PSD3: variants seen among roughly 807,000 people sequenced by gnomAD.
PSD3 encodes the protein PH and SEC7 domain-containing protein 3.
A neutral mutation model predicts 105.5 loss-of-function variants in PSD3; 49 were observed. The ratio of observed to expected loss-of-function variants is 0.46; its 90% CI spans 0.37 to 0.59. The LOEUF (loss-of-function observed/expected upper bound fraction) is 0.59, where lower values mean the gene tolerates loss of function less well. Among genes scored for constraint, PSD3 ranks in the 20% least tolerant of loss-of-function variants. PSD3 has a pLI of 0.00. For synonymous variants in PSD3, 557 were observed against 457.8 expected, an observed-to-expected ratio of 1.22 and a Z score of -2.77; for missense variants, 1,561 against 1,263.8, an observed-to-expected ratio of 1.24 and a Z score of -3.57.
At chr8:18,718,801 T>C (rs1265877828) in intron 9 of PSD3, among the ~76,000 whole-genome samples, 1 of 151,950 alleles carries the variant, frequency 6.6e-6, no homozygotes, top group Non-Finnish European at 1.5e-5. Flanking sequence ...AATAATGAGT[T>C]TGAAAGTCGT....
At chr8:18,942,146 G>C (rs1822586520) in intron 1 of PSD3, among the ~76,000 whole-genome samples, 1 of 152,150 alleles carries the variant, frequency 6.6e-6, no homozygotes, top group Non-Finnish European at 1.5e-5. Flanking sequence ...GTTTGAGAAA[G>C]GTGGCATGCT....
rs113496423 is a variant in PSD3, at chr8:18,896,159, T to A, written c.131-23426A>T. ...TGAATAACAGAATTTCATTCTTTGT[T>A]ACTGCAAAAGAGTATTCTATTGTGT... is the stretch of plus-strand genomic sequence containing the variant. On this transcript the variant is annotated intron_variant, in intron 2 of 15. Coordinates refer to ENST00000327040, the MANE Select transcript of PSD3 (RefSeq NM_015310.4). Among the ~76,000 whole-genome samples, 1,060 of 152,392 alleles carry A rather than the reference T, an allele frequency of 7.0e-3. 13 individuals are homozygous for A. The highest frequency in any genetic ancestry group is 0.024 in the African/African-American group (1,018 of 41,596).
In PSD3 at chr8:18,528,457, C is replaced by T. The variant is rs1799513862; in HGVS notation, c.*7286G>A. ...TGCCACGCTCAGTGACTCAGTCACT[C>T]TCGGAGTTGATACCTTGCCTCAGCA... On this transcript the variant is annotated 3_prime_UTR_variant, in exon 16 of 16. Transcript: ENST00000327040. 6.6e-6 allele frequency: 1 copy of T among 152,252 alleles called. No individual in the cohort carries two copies. The highest frequency in any genetic ancestry group is 2.4e-5 in the African/African-American group (1 of 41,464). 9.4% of individuals were successfully genotyped at this position (152,252 alleles called of 1,614,324 possible).
At chr8:18,603,338 C>T (rs1001282744) in intron 11 of PSD3, among the ~76,000 whole-genome samples, 8 of 152,008 alleles carry the variant, frequency 5.3e-5, no homozygotes, top group African/African-American at 1.9e-4. Context: ...TAACATGCTA[C>T]TGTCAGTTTA....
intron 4 of PSD3, among the ~76,000 whole-genome samples, chr8:18,866,279 C>G (rs80268341): frequency 6.6e-6 from 1 of 152,198 alleles, no homozygotes; most frequent in African/African-American, 2.4e-5. Flanking sequence ...TTCAGGAATG[C>G]CTCCTCGCCA....
At chr8:18,997,805 G>A (rs192644978) in intron 1 of PSD3, among the ~76,000 whole-genome samples, 124 of 151,674 alleles carry the variant, frequency 8.2e-4, no homozygotes, top group Non-Finnish European at 1.2e-3. Flanking sequence ...TTCCTCATGC[G>A]TCACCTCAAC....
intron 1 of PSD3, among the ~76,000 whole-genome samples, chr8:18,969,028 C>G (rs1824466039): frequency 6.6e-6 from 1 of 151,964 alleles, no homozygotes; most frequent in Non-Finnish European, 1.5e-5. Context: ...TATAACATCA[C>G]AGAAATAAGT....
chr8:18,657,938 C>A (rs1012132802), intron 9 of PSD3, among the ~76,000 whole-genome samples: 1 of 152,208 alleles, frequency 6.6e-6, no homozygotes, highest in Non-Finnish European at 1.5e-5. Flanking sequence ...CTAATACATT[C>A]ATTTCTGTTC....
intron 9 of PSD3, among the ~76,000 whole-genome samples, chr8:18,745,396 C>T (rs1281070636): frequency 6.6e-6 from 1 of 152,170 alleles, no homozygotes; most frequent in Non-Finnish European, 1.5e-5. Context: ...TATTCATTTT[C>T]TTCTCTGAGT....
intron 2 of PSD3, among the ~76,000 whole-genome samples, chr8:18,931,337 A>C (rs553736532): frequency 3.0e-4 from 46 of 152,282 alleles, no homozygotes; most frequent in Middle Eastern, 3.4e-3. Context: ...TTAAAAAAAA[A>C]ACAGGTAATT....
chr8:19,040,172 C>T (rs1828073781), intron 1 of PSD3, among the ~76,000 whole-genome samples: 1 of 152,152 alleles, frequency 6.6e-6, no homozygotes, highest in African/African-American at 2.4e-5. Context: ...GCCTCAGAGG[C>T]CATGGTAAGG....
intron 9 of PSD3, among the ~76,000 whole-genome samples, chr8:18,732,634 A>G (rs1803848251): frequency 6.6e-6 from 1 of 152,178 alleles, no homozygotes; most frequent in African/African-American, 2.4e-5. Flanking sequence ...TTCCTTCCTT[A>G]CATGGTGGCT....
chr8:18,735,852 T>G (rs574013992), intron 9 of PSD3, among the ~76,000 whole-genome samples: 71 of 152,120 alleles, frequency 4.7e-4, no homozygotes, highest in Non-Finnish European at 8.7e-4. Context: ...AACACGCACC[T>G]GAATAGTAAA....
intron 2 of PSD3, among the ~76,000 whole-genome samples, chr8:18,886,448 G>C (rs1468180105): frequency 1.3e-5 from 2 of 152,090 alleles, no homozygotes; most frequent in Admixed American, 6.6e-5. Flanking sequence ...AGCAGAACCT[G>C]GTCTAGCCCC....
At chr8:18,991,500 C>A (rs1825805341) in intron 1 of PSD3, among the ~76,000 whole-genome samples, 1 of 152,046 alleles carries the variant, frequency 6.6e-6, no homozygotes. Flanking sequence ...TCTCTGACTG[C>A]TTTTATTGAT....
rs150050701 is a variant in PSD3 at position 18,911,357 on chromosome 8, G to A, written c.130+24677C>T. Among the ~76,000 whole-genome samples, 99 of 152,242 alleles carry A rather than the reference G, an allele frequency of 6.5e-4. No individual in the cohort carries two copies. In the East Asian group the frequency reaches 7.9e-3, roughly 12 times the overall value. ...AGGAAAGTTAGCACACTGTCACTTG[G>A]GAGCCAGTGGCACTTCACTCCAATT... On this transcript the variant is annotated intron_variant, in intron 2 of 15. Transcript: ENST00000327040.
At chr8:18,994,838 T>C (rs1165501559) in intron 1 of PSD3, among the ~76,000 whole-genome samples, 2 of 151,828 alleles carry the variant, frequency 1.3e-5, no homozygotes, top group African/African-American at 2.4e-5. Flanking sequence ...ACAAGATCTA[T>C]GGTCTAAAGT....
intron 9 of PSD3, among the ~76,000 whole-genome samples, chr8:18,752,264 T>C (rs1433782767): frequency 6.6e-6 from 1 of 150,808 alleles, no homozygotes; most frequent in African/African-American, 2.4e-5. Flanking sequence ...ACTGACACTG[T>C]GTTTTACGGA....
chr8:18,956,176 G>A (rs1823561352), intron 1 of PSD3, among the ~76,000 whole-genome samples: 1 of 152,200 alleles, frequency 6.6e-6, no homozygotes, highest in East Asian at 1.9e-4. Context: ...GATCACTGGA[G>A]AAGTGTAAAA....
Sources: gnomAD v4.1 joint callset for allele counts (sites outside exome capture counted in the v4.1 genomes callset) on GRCh38, gnomAD v4.1.1 for gene constraint, MANE v1.5 for transcripts, NCBI Gene and HGNC (gene_info 2026-07-23, HGNC 2026-07-21) for gene names.